Variants in TTC39A observed in about 807,000 individuals in gnomAD.
The protein encoded by TTC39A is tetratricopeptide repeat protein 39A.
In TTC39A, 46 loss-of-function variants were observed where a neutral mutation model predicts 82.3. The ratio of observed to expected loss-of-function variants is 0.56; its 90% CI spans 0.44 to 0.71. The LOEUF (loss-of-function observed/expected upper bound fraction) is 0.71. Ranked by LOEUF, TTC39A falls within the 30% of genes least tolerant of loss-of-function variation. The pLI is 0.00. For missense variants in TTC39A, 543 were observed against 712.9 expected (o/e 0.76, Z 2.71); for synonymous variants, 254 against 275.2 (o/e 0.92, Z 0.76).
At chr1:51,301,796 C>T (rs1015157257) in intron 11 of TTC39A, 63 bp from the exon 12 acceptor site, 81 of 1,566,686 alleles carry the variant, frequency 5.2e-5, no homozygotes, top group African/African-American at 6.7e-5. Flanking sequence ...CTGCATCCTC[C>T]GAACCTCCCA....
At chr1:51,319,183 T>G (rs996492081) in intron 2 of TTC39A, among the ~76,000 whole-genome samples, 1 of 151,784 alleles carries the variant, frequency 6.6e-6, no homozygotes, top group Non-Finnish European at 1.5e-5. Flanking sequence ...GAAGATGTTA[T>G]AGGGAAAAAA....
intron 1 of TTC39A, among the ~76,000 whole-genome samples, chr1:51,339,711 G>A (rs545028198): frequency 3.3e-5 from 5 of 152,248 alleles, no homozygotes; most frequent in Admixed American, 6.5e-5. Flanking sequence ...ATCACTTGAG[G>A]CCAGGAGTTC....
chr1:51,304,088 G>A (rs918880459), intron 8 of TTC39A, among the ~76,000 whole-genome samples: 6 of 152,138 alleles, frequency 3.9e-5, no homozygotes, highest in Admixed American at 6.5e-5. Context: ...TCCTTTGCTC[G>A]TGGGGTTTGA....
At chr1:51,296,820 G>A (rs1644448378) in intron 12 of TTC39A, 1 of 156,738 alleles carries the variant, frequency 6.4e-6, no homozygotes, top group Non-Finnish European at 1.4e-5. Context: ...GAGCTACTGG[G>A]GCAGAGCCGG....
chr1:51,339,162 C>A (rs908696247), intron 1 of TTC39A, among the ~76,000 whole-genome samples: 1 of 152,080 alleles, frequency 6.6e-6, no homozygotes, highest in Non-Finnish European at 1.5e-5. Context: ...AGGAGTAACA[C>A]CTGAGGCTGC....
intron 13 of TTC39A, among the ~76,000 whole-genome samples, chr1:51,295,247 T>C (rs1220256417): frequency 6.6e-6 from 1 of 152,230 alleles, no homozygotes; most frequent in East Asian, 1.9e-4. Flanking sequence ...CTAGGCTTTC[T>C]GGAAGAGTCA....
chr1:51,344,304 G>A (rs1483174619), intron 1 of TTC39A, among the ~76,000 whole-genome samples: 1 of 152,050 alleles, frequency 6.6e-6, no homozygotes, highest in African/African-American at 2.4e-5. Flanking sequence ...TGAAGGGAAG[G>A]GCTGAACCTC....
intron 14 of TTC39A, among the ~76,000 whole-genome samples, chr1:51,291,628 C>CAAAA (rs58825279): frequency 6.0e-5 from 3 of 49,954 alleles, no homozygotes; most frequent in African/African-American, 7.9e-5. Flanking sequence ...CCATCTCCAC[C>CAAAA]AAAAAAAAAA....
At chr1:51,317,207 T>G (rs1382732479) in intron 2 of TTC39A, among the ~76,000 whole-genome samples, 1 of 152,194 alleles carries the variant, frequency 6.6e-6, no homozygotes, top group African/African-American at 2.4e-5. Flanking sequence ...AGACAATGTG[T>G]GCAGCGAAGA....
chr1:51,288,179 A>C lies in TTC39A; in HGVS notation c.1712T>G (p.Met571Arg). 6.2e-7 allele frequency: 1 copy of C among 1,614,058 alleles called. No individual in the cohort carries two copies. Among genetic ancestry groups the C allele is most frequent in the Non-Finnish European group, 8.5e-7 (1 of 1,179,892 alleles). ...KSSLENSSRS[M>R]VSSVSL is the part of the protein sequence containing the mutation. ...AAGCTACAAGGACACTGATGAGACC[A>C]TGGATCTGCTGCTGTTCTCTAGGGA... Residue 571 changes from methionine to arginine, a missense_variant, in exon 18 of 18, where the codon ATG becomes AGG. Met to Arg is a moderately conservative substitution (Grantham distance 91). Coordinates refer to ENST00000680483, the MANE Select transcript of TTC39A (RefSeq NM_001297663.2). This position sits in a 1 kb window ranked among gnomAD's most constrained non-coding sequence, Gnocchi z 4.8.
chr1:51,324,890 T>C (rs1398354913), intron 1 of TTC39A, among the ~76,000 whole-genome samples: 3 of 152,162 alleles, frequency 2.0e-5, no homozygotes, highest in African/African-American at 7.2e-5. Context: ...GGTAGTTTCT[T>C]TGAGAGAGAA....
intron 16 of TTC39A, 69 bp downstream of exon 16, chr1:51,289,936 G>A (rs1200583754): frequency 2.2e-6 from 3 of 1,358,784 alleles, no homozygotes; most frequent in African/African-American, 2.9e-5. Flanking sequence ...TGGGCATGAG[G>A]ATGGAGAAGC....
chr1:51,331,393 C>A (rs1158805620), upstream of TTC39A: 1 of 1,463,368 alleles, frequency 6.8e-7, no homozygotes, highest in Non-Finnish European at 9.0e-7. Flanking sequence ...CATCTCCTGG[C>A]CCCAGATGCT....
intron 11 of TTC39A, 107 bp downstream of exon 11, chr1:51,302,250 C>CCCCCCCCCA: frequency 1.7e-6 from 1 of 580,794 alleles, no homozygotes; most frequent in South Asian, 1.5e-5. Flanking sequence ...GCCCCCCCCC[C>CCCCCCCCCA]GCCCCCAGTC....
At position 51,288,933 on chromosome 1, in the gene TTC39A, G is replaced by A. The variant is rs1260189910; in HGVS notation, c.1516C>T (p.His506Tyr). The stretch of plus-strand genomic sequence containing the variant: ...AGCAGGGCGTTTGGGATCAAGTAGT[G>A]GTCATATTTAATCTTCTTTTCACTG... ...SANEKKIKYDHYLIPNALLEL... is the reference protein window; with the variant it reads ...SANEKKIKYDYYLIPNALLEL... Residue 506 changes from histidine to tyrosine, a missense_variant, in exon 17 of 18, where the codon CAC becomes TAC. Physicochemically the swap from His to Tyr is moderately conservative, Grantham distance 83. Transcript: ENST00000680483. This position sits in a 1 kb window ranked among gnomAD's most constrained non-coding sequence, Gnocchi z 4.8. 1.1e-5 allele frequency: 18 copies of A among 1,608,226 alleles called. No individual in the cohort carries two copies. Among genetic ancestry groups the A allele is most frequent in the Non-Finnish European group, 1.4e-5 (17 of 1,177,414 alleles).
At chr1:51,302,672 C>T in intron 9 of TTC39A, 99 bp from the exon 10 acceptor site, 2 of 1,297,058 alleles carry the variant, frequency 1.5e-6, no homozygotes, top group South Asian at 2.5e-5. Context: ...TCTCCCCCTC[C>T]CCCTCTGTGA....
intron 1 of TTC39A, among the ~76,000 whole-genome samples, chr1:51,328,609 C>G (rs944693031): frequency 6.6e-6 from 1 of 152,108 alleles, no homozygotes; most frequent in Non-Finnish European, 1.5e-5. Context: ...GCAAGTAATT[C>G]TGGAGAGGGA....
intron 14 of TTC39A, among the ~76,000 whole-genome samples, chr1:51,293,131 G>A (rs903142646): frequency 4.0e-5 from 6 of 149,422 alleles, no homozygotes; most frequent in African/African-American, 1.5e-4. Context: ...GCAATGGCAC[G>A]ATCTCAGCTC....
Position 51,320,420 on chromosome 1 carries a change from T to C in TTC39A, c.146+1301A>G, listed in dbSNP as rs1249869720. ...TCTTTTTTTCTTTTTCTTTTTCTTTTTTTTTTTTTTTTTTTTGAGACAGGG... is the reference window on the plus strand; with the variant it reads ...TCTTTTTTTCTTTTTCTTTTTCTTTCTTTTTTTTTTTTTTTTGAGACAGGG... On this transcript the variant is annotated intron_variant, in intron 2 of 17. Transcript: ENST00000680483. Among the ~76,000 whole-genome samples, 12 of 141,902 alleles carry C rather than the reference T, an allele frequency of 8.5e-5. No homozygotes were observed. In the East Asian group the frequency reaches 1.8e-3, roughly 21 times the overall value. The allele number at this position is 141,902 out of a possible 152,430, so 93.1% of individuals were successfully genotyped here.
Sources: allele counts gnomAD v4.1 joint callset (sites outside exome capture counted in the v4.1 genomes callset), GRCh38; gene constraint gnomAD v4.1.1; non-coding constraint Gnocchi (gnomAD v3.1); transcripts MANE v1.5; gene names NCBI Gene and HGNC (gene_info 2026-07-23, HGNC 2026-07-21).